Variants in EPHA6 observed in about 807,000 individuals in gnomAD.
The protein encoded by EPHA6 is EPH receptor A6, also known as ephrin type-A receptor 6.
A neutral mutation model predicts 112.0 loss-of-function variants in EPHA6; 50 were observed. That is an observed-to-expected ratio of 0.45 (90% CI 0.36 to 0.56). The LOEUF is 0.56. EPHA6 is among the 20% of genes least tolerant of loss of function. The pLI is 0.00. For missense variants in EPHA6, 1,280 were observed against 1,417.4 expected (o/e 0.90, Z 1.56); for synonymous variants, 529 against 490.7 (o/e 1.08, Z -1.03).
At chr3:96,903,434 A>G (rs1458245295) in intron 2 of EPHA6, among the ~76,000 whole-genome samples, 2 of 152,170 alleles carry the variant, frequency 1.3e-5, no homozygotes, top group Non-Finnish European at 1.5e-5. Context: ...TGTAATTTTT[A>G]TATTAACAAA....
intron 3 of EPHA6, among the ~76,000 whole-genome samples, chr3:97,126,142 T>G (rs945238348): frequency 3.9e-5 from 6 of 152,212 alleles, no homozygotes; most frequent in African/African-American, 1.4e-4. Context: ...ATTGCTGGGC[T>G]CTTAAACATT....
Position 97,749,954 on chromosome 3 carries a change from C to T in EPHA6, c.*1253C>T, listed in dbSNP as rs564623077. 3.9e-5 allele frequency among the ~76,000 whole-genome samples: 6 copies of T among 152,216 alleles called. No homozygotes were observed. In the East Asian group the frequency reaches 1.2e-3, roughly 29 times the overall value. ...TCAACCTGGGTCCAACGTACAGTTA[C>T]ATAAAAATGAGAACACAGCTGTGTT... On this transcript the variant is annotated 3_prime_UTR_variant, in exon 18 of 18. Coordinates refer to ENST00000389672, the MANE Select transcript of EPHA6 (RefSeq NM_001080448.3).
At chr3:96,859,117 A>G (rs1472593701) in intron 1 of EPHA6, among the ~76,000 whole-genome samples, 2 of 27,918 alleles carry the variant, frequency 7.2e-5, no homozygotes, top group African/African-American at 4.3e-4. Context: ...ATCCCTTTTG[A>G]TTACCTCATT....
chr3:97,088,323 A>G (rs16838362), intron 3 of EPHA6, among the ~76,000 whole-genome samples: 4,081 of 152,272 alleles, frequency 0.027, 133 homozygotes, highest in African/African-American at 0.074. Context: ...TGGAATTTCA[A>G]TCATTACAAA....
chr3:97,489,048 A>G (rs1164456315), intron 10 of EPHA6, among the ~76,000 whole-genome samples: 2 of 152,250 alleles, frequency 1.3e-5, no homozygotes, highest in African/African-American at 4.8e-5. Flanking sequence ...CAATTTAGTT[A>G]TCGTTCAGAA....
chr3:97,312,742 A>G lies in EPHA6; in HGVS notation c.1606+68455A>G, dbSNP rs141642633. ...TTTTTCTGCATTTATTGATATAATT[A>G]TACAAGTTTTTTTTTCTCTAATATT... On this transcript the variant is annotated intron_variant, in intron 5 of 17. Coordinates refer to ENST00000389672, the MANE Select transcript of EPHA6 (RefSeq NM_001080448.3). Among the ~76,000 whole-genome samples, 563 of 151,310 alleles carry G rather than the reference A, an allele frequency of 3.7e-3. 1 individual carries two copies. The highest frequency in any genetic ancestry group is 0.013 in the African/African-American group (520 of 41,358).
chr3:97,440,858 G>A lies in EPHA6; in HGVS notation c.1732-7710G>A, dbSNP rs182602226. On this transcript the variant is annotated intron_variant, in intron 6 of 17. Coordinates refer to ENST00000389672, the MANE Select transcript of EPHA6 (RefSeq NM_001080448.3). ...AAAAATAATAGGAAATGTTATTTAC[G>A]TATGGAAGAGATTTTTAATAAGACA... Among the ~76,000 whole-genome samples, 438 of 151,706 alleles carry A rather than the reference G, an allele frequency of 2.9e-3. 2 individuals are homozygous for A. Among genetic ancestry groups the A allele is most frequent in the African/African-American group, 9.9e-3 (412 of 41,494 alleles).
intron 3 of EPHA6, among the ~76,000 whole-genome samples, chr3:97,095,590 G>C (rs62265073): frequency 0.064 from 9,639 of 151,738 alleles, 362 homozygotes; most frequent in Middle Eastern, 0.14. Flanking sequence ...TTTTAGGTGG[G>C]CTAATGGCTA....
At chr3:97,719,214 A>G (rs1301731308) in intron 14 of EPHA6, among the ~76,000 whole-genome samples, 2 of 151,502 alleles carry the variant, frequency 1.3e-5, no homozygotes, top group Non-Finnish European at 2.9e-5. Flanking sequence ...TTCCACCCCT[A>G]CTTGCACCAG....
intron 2 of EPHA6, among the ~76,000 whole-genome samples, chr3:96,942,469 G>T (rs1032721634): frequency 6.6e-6 from 1 of 152,180 alleles, no homozygotes; most frequent in East Asian, 1.9e-4. Context: ...TTGGAAAAGC[G>T]CAGTATTAGG....
intron 11 of EPHA6, among the ~76,000 whole-genome samples, chr3:97,570,759 A>C (rs956743360): frequency 8.5e-5 from 13 of 152,170 alleles, no homozygotes; most frequent in African/African-American, 9.7e-5. Flanking sequence ...GGAAGCTTTA[A>C]ATGTTAAACC....
intron 13 of EPHA6, among the ~76,000 whole-genome samples, chr3:97,635,054 C>T (rs1402503392): frequency 6.6e-6 from 1 of 151,586 alleles, no homozygotes; most frequent in Non-Finnish European, 1.5e-5. Context: ...CAGTTTTACC[C>T]ATCAGAGTTT....
chr3:97,593,572 A>G (rs181678505), intron 12 of EPHA6, among the ~76,000 whole-genome samples: 28 of 152,304 alleles, frequency 1.8e-4, no homozygotes, highest in African/African-American at 5.1e-4. Context: ...TATGACATCA[A>G]TGTATTCAGG....
At chr3:97,561,955 A>G (rs539438406) in intron 11 of EPHA6, among the ~76,000 whole-genome samples, 1 of 152,162 alleles carries the variant, frequency 6.6e-6, no homozygotes, top group African/African-American at 2.4e-5. Context: ...CAAAGCTTGC[A>G]TGACAGCACA....
chr3:97,012,468 T>A (rs2044120716), intron 3 of EPHA6, among the ~76,000 whole-genome samples: 1 of 150,782 alleles, frequency 6.6e-6, no homozygotes, highest in Admixed American at 6.6e-5. Flanking sequence ...GAACTACAAG[T>A]GTGTGCCACC....
At chr3:97,151,673 C>T (rs1272152933) in intron 3 of EPHA6, among the ~76,000 whole-genome samples, 1 of 151,956 alleles carries the variant, frequency 6.6e-6, no homozygotes. Flanking sequence ...TGAGATGCTT[C>T]AGAGTTCCTG....
intron 2 of EPHA6, among the ~76,000 whole-genome samples, chr3:96,972,805 A>G (rs1015739802): frequency 1.6e-4 from 25 of 152,354 alleles, no homozygotes; most frequent in African/African-American, 5.8e-4. Context: ...TTCTGTGCTA[A>G]GAAACAAACT....
intron 3 of EPHA6, among the ~76,000 whole-genome samples, chr3:97,152,698 A>G (rs1390050634): frequency 2.6e-5 from 4 of 152,096 alleles, no homozygotes; most frequent in Non-Finnish European, 5.9e-5. Context: ...CTTAAAGCCA[A>G]CAATGAGAAT....
intron 5 of EPHA6, among the ~76,000 whole-genome samples, chr3:97,402,768 A>C (rs1210806603): frequency 6.6e-6 from 1 of 152,168 alleles, no homozygotes. Flanking sequence ...TAATGTTCCC[A>C]TTGAACAGCC....
Sources: gnomAD v4.1 joint callset for allele counts (sites outside exome capture counted in the v4.1 genomes callset) on GRCh38, gnomAD v4.1.1 for gene constraint, MANE v1.5 for transcripts, NCBI Gene and HGNC (gene_info 2026-07-23, HGNC 2026-07-21) for gene names.